The following AFAP1 variants were observed in gnomAD, a reference collection of about 807,000 sequenced individuals.
AFAP1 encodes the protein actin filament-associated protein 1.
AFAP1 carries 75 observed loss-of-function variants against 93.9 expected under a neutral mutation model. The observed-to-expected ratio is 0.80, with a 90% CI of 0.66 to 0.97. The LOEUF is 0.97. AFAP1 is among the 50% of genes least tolerant of loss of function. AFAP1 has a pLI of 0.00. For missense variants in AFAP1, 1,201 were observed against 1,050.8 expected, an observed-to-expected ratio of 1.14 and a Z score of -1.98; for synonymous variants, 517 against 430.7, an observed-to-expected ratio of 1.20 and a Z score of -2.48.
chr4:7,819,492 G>C (rs1720777847), intron 6 of AFAP1, among the ~76,000 whole-genome samples: 1 of 152,170 alleles, frequency 6.6e-6, no homozygotes, highest in Non-Finnish European at 1.5e-5. Flanking sequence ...AGCAACACGA[G>C]ACCGCAGTAA....
At chr4:7,879,901 T>C (rs985529522) in intron 1 of AFAP1, among the ~76,000 whole-genome samples, 7 of 152,092 alleles carry the variant, frequency 4.6e-5, no homozygotes, top group Non-Finnish European at 7.4e-5. Context: ...CTGGGCTAAA[T>C]TGATCGGCCT....
chr4:7,804,653 G>A (rs994634005), intron 9 of AFAP1, among the ~76,000 whole-genome samples: 6 of 152,178 alleles, frequency 3.9e-5, no homozygotes, highest in Non-Finnish European at 7.3e-5. Flanking sequence ...GGCAGGCAGA[G>A]CCTTTTAGAA....
At chr4:7,872,156 C>T (rs1268278632) in intron 1 of AFAP1, 76 bp from the exon 2 acceptor site, 7 of 1,545,302 alleles carry the variant, frequency 4.5e-6, no homozygotes, top group African/African-American at 2.7e-5. Flanking sequence ...GAGTCTTACT[C>T]GAAGCATTTC....
At chr4:7,822,898 T>C (rs1721099175) in intron 6 of AFAP1, among the ~76,000 whole-genome samples, 1 of 144,042 alleles carries the variant, frequency 6.9e-6, no homozygotes, top group Admixed American at 6.9e-5. Context: ...CGGCCCCTCT[T>C]TCTTTTTTTT....
chr4:7,894,327 ACT>A (rs1718643131), intron 1 of AFAP1, among the ~76,000 whole-genome samples: 1 of 152,042 alleles, frequency 6.6e-6, no homozygotes, highest in African/African-American at 2.4e-5. Flanking sequence ...TACAATATGT[ACT>A]CTCTGCTCTG....
At chr4:7,790,178 T>C (rs1456085363) in intron 11 of AFAP1, among the ~76,000 whole-genome samples, 1 of 152,194 alleles carries the variant, frequency 6.6e-6, no homozygotes, top group Non-Finnish European at 1.5e-5. Flanking sequence ...AGCAACCATA[T>C]TTTGAACACT....
chr4:7,872,757 C>T (rs182988169), intron 1 of AFAP1, among the ~76,000 whole-genome samples: 2 of 151,972 alleles, frequency 1.3e-5, no homozygotes, highest in African/African-American at 4.8e-5. Context: ...CCACAAGGCC[C>T]GAGGCCCAAA....
intron 1 of AFAP1, among the ~76,000 whole-genome samples, chr4:7,902,882 G>A (rs913624622): frequency 6.6e-6 from 1 of 152,150 alleles, no homozygotes; most frequent in Non-Finnish European, 1.5e-5. Flanking sequence ...CTGATTCTAG[G>A]CCACAACAGC....
intron 1 of AFAP1, among the ~76,000 whole-genome samples, chr4:7,894,940 C>A (rs1248771895): frequency 6.6e-6 from 1 of 152,222 alleles, no homozygotes; most frequent in Admixed American, 6.5e-5. Context: ...CCCTGGCTCC[C>A]CAGGCAGATG....
chr4:7,887,399 G>C (rs188763353), intron 1 of AFAP1, among the ~76,000 whole-genome samples: 37 of 152,258 alleles, frequency 2.4e-4, no homozygotes, highest in African/African-American at 8.7e-4. Flanking sequence ...CAGAAATGAC[G>C]ATGGGTGTTA....
At chr4:7,778,946 T>C in intron 13 of AFAP1, 70 bp from the exon 14 acceptor site, 2 of 1,181,618 alleles carry the variant, frequency 1.7e-6, no homozygotes, top group South Asian at 2.9e-5. Context: ...CTTTTTTTTT[T>C]CTGGAGTCAT....
intron 3 of AFAP1, among the ~76,000 whole-genome samples, chr4:7,863,022 G>A (rs912836889): frequency 1.3e-5 from 2 of 152,214 alleles, no homozygotes; most frequent in African/African-American, 4.8e-5. Flanking sequence ...CATTTCCCAG[G>A]ACCTGGGGCT....
chr4:7,790,635 T>A (rs1429840620), intron 11 of AFAP1, among the ~76,000 whole-genome samples: 3 of 150,800 alleles, frequency 2.0e-5, no homozygotes, highest in African/African-American at 7.5e-5. Flanking sequence ...TTTGCAAAAA[T>A]AGACTTACGG....
At chr4:7,894,293 G>C (rs1309262835) in intron 1 of AFAP1, among the ~76,000 whole-genome samples, 1 of 152,182 alleles carries the variant, frequency 6.6e-6, no homozygotes, top group Non-Finnish European at 1.5e-5. Context: ...GCAGGGATGA[G>C]TGTCGCAACA....
At chr4:7,909,618 T>A (rs1259206983) in intron 1 of AFAP1, among the ~76,000 whole-genome samples, 1 of 152,188 alleles carries the variant, frequency 6.6e-6, no homozygotes, top group African/African-American at 2.4e-5. Flanking sequence ...TTTGTTTGCA[T>A]AACATTTTTT....
At chr4:7,777,746 G>C (rs1170055948) in intron 14 of AFAP1, 1 of 152,130 alleles carries the variant, frequency 6.6e-6, no homozygotes. Context: ...TCTTTCTCTG[G>C]GAAATCTTCC....
rs375891162 is a variant in AFAP1 at position 7,781,548 on chromosome 4, T to A, written c.1610A>T (p.Tyr537Phe). The stretch of plus-strand genomic sequence containing the variant: ...GATGTGCGGAGGCGGCAAGTTATCG[T>A]ACAGGCCTGCGTTATCATAAAGCAC... ...EEVLYDNAGL[Y>F]DNLPPPHIFA... The change falls in exon 13 of 18, where the codon TAC becomes TTC. Residue 537 changes from tyrosine (Y) to phenylalanine (F), a missense_variant. Coordinates refer to ENST00000420658, the MANE Select transcript of AFAP1 (RefSeq NM_001134647.2). 4 of 1,551,930 alleles carry A rather than the reference T, an allele frequency of 2.6e-6. No homozygotes were observed. The highest frequency in any genetic ancestry group is 3.9e-5 in the Admixed American group (2 of 50,990).
intron 6 of AFAP1, among the ~76,000 whole-genome samples, chr4:7,820,833 A>G (rs1411154580): frequency 6.6e-6 from 1 of 152,142 alleles, no homozygotes; most frequent in African/African-American, 2.4e-5. Flanking sequence ...ACTATCTGTT[A>G]CCAGGCCAGG....
At chr4:7,898,372 C>G (rs35881667) in intron 1 of AFAP1, among the ~76,000 whole-genome samples, 18,424 of 152,006 alleles carry the variant, frequency 0.12, 1,351 homozygotes, top group Non-Finnish European at 0.17. Context: ...CATGCCATTG[C>G]ACTCCAGCCT....
Sources: gnomAD v4.1 joint callset for allele counts (sites outside exome capture counted in the v4.1 genomes callset) on GRCh38, gnomAD v4.1.1 for gene constraint, MANE v1.5 for transcripts, NCBI Gene and HGNC (gene_info 2026-07-23, HGNC 2026-07-21) for gene names.